The following FAM20A variants were observed in gnomAD, a reference collection of about 807,000 sequenced individuals.
FAM20A encodes the protein FAM20A golgi associated secretory pathway pseudokinase, also known as pseudokinase FAM20A.
A neutral mutation model predicts 52.0 loss-of-function variants in FAM20A; 42 were observed. That is an observed-to-expected ratio of 0.81 (90% CI 0.63 to 1.04). The LOEUF is 1.04. FAM20A is among the 50% of genes least tolerant of loss of function. The probability of loss-of-function intolerance (pLI) is 0.00; values close to 1 mark genes in which losing one functional copy is unlikely to be tolerated. For missense variants in FAM20A, 742 were observed against 712.7 expected, an observed-to-expected ratio of 1.04 and a Z score of -0.47; for synonymous variants, 304 against 298.9, an observed-to-expected ratio of 1.02 and a Z score of -0.18.
chr17:68,543,129 TG>T (rs1415419779), intron 5 of FAM20A, among the ~76,000 whole-genome samples: 3 of 152,292 alleles, frequency 2.0e-5, no homozygotes, highest in Non-Finnish European at 2.9e-5. Context: ...CTGGCAATCT[TG>T]TTCAAATACA....
chr17:68,539,237 T>G, intron 10 of FAM20A, 100 bp downstream of exon 10: 1 of 1,134,764 alleles, frequency 8.8e-7, no homozygotes, highest in South Asian at 1.3e-5. Context: ...ACTTACGTCC[T>G]GGACCAGTGA....
chr17:68,600,411 T>C lies in FAM20A; in HGVS notation c.256A>G (p.Ser86Gly). 1 of 1,609,242 alleles carries C rather than the reference T, an allele frequency of 6.2e-7. No individual in the cohort carries two copies. Among genetic ancestry groups the C allele is most frequent in the Non-Finnish European group, 8.5e-7 (1 of 1,178,610 alleles). Residue 86 changes from serine (S) to glycine (G), a missense_variant, in exon 1 of 11, where the codon AGC becomes GGC. Ser to Gly is a moderately conservative substitution (Grantham distance 56, BLOSUM62 0). Coordinates refer to ENST00000592554, the MANE Select transcript of FAM20A (RefSeq NM_017565.4). The surrounding 1 kb of genome is among the most constrained non-coding windows in gnomAD (Gnocchi z 6.2). Reference protein sequence around the residue: ...PRTEPAGGSHSGSSSKLQALF... With the variant: ...PRTEPAGGSHGGSSSKLQALF... ...GCCTGCAACTTGGAGCTCGACCCGCTGTGGCTGCCGCCAGCCGGTTCAGTC... is the reference window on the plus strand; with the variant it reads ...GCCTGCAACTTGGAGCTCGACCCGCCGTGGCTGCCGCCAGCCGGTTCAGTC...
At chr17:68,578,855 A>T (rs2087852616) in intron 1 of FAM20A, among the ~76,000 whole-genome samples, 1 of 20,716 alleles carries the variant, frequency 4.8e-5, no homozygotes, top group Non-Finnish European at 1.1e-4. Context: ...AAAAAAAAAA[A>T]AAAAAAAAAA....
intron 4 of FAM20A, among the ~76,000 whole-genome samples, chr17:68,549,286 G>T (rs1435864078): frequency 1.3e-5 from 2 of 152,154 alleles, no homozygotes; most frequent in Non-Finnish European, 2.9e-5. Context: ...CCTGAGGTCA[G>T]GAGTTCAAGA....
chr17:68,574,408 T>C (rs1352217120), intron 1 of FAM20A, among the ~76,000 whole-genome samples: 2 of 152,050 alleles, frequency 1.3e-5, no homozygotes, highest in Non-Finnish European at 2.9e-5. Context: ...TGAGACCCAC[T>C]CCCACGATAA....
chr17:68,542,921 G>A lies in FAM20A; in HGVS notation c.813-112C>T, dbSNP rs973086614. 7.5e-6 allele frequency: 6 copies of A among 798,272 alleles called. No individual in the cohort carries two copies. In the Admixed American group the frequency reaches 1.1e-4, roughly 15 times the overall value. The allele number at this position is 798,272 out of a possible 1,614,324, so 49.4% of individuals were successfully genotyped here. On this transcript the variant is annotated intron_variant, in intron 5 of 10. Transcript: ENST00000592554. ...AATTGGCTGGTGTACCCAGGAGGGT[G>A]GCCGGTGAGGCGTGACTCTGCACTG...
chr17:68,543,737 G>A lies in FAM20A; in HGVS notation c.720-16C>T, dbSNP rs2086418221. On this transcript the variant is annotated splice_polypyrimidine_tract_variant and intron_variant, in intron 4 of 10. Coordinates refer to ENST00000592554, the MANE Select transcript of FAM20A (RefSeq NM_017565.4). ...TCGCTGCTGTCTGGAAGGAAGGAAG[G>A]AATCACGCCCTGGACTCAGACTTCA... 2 of 1,604,654 alleles carry A rather than the reference G, an allele frequency of 1.2e-6. No homozygotes were observed. Among genetic ancestry groups the A allele is most frequent in the South Asian group, 1.1e-5 (1 of 90,840 alleles).
At position 68,551,122 on chromosome 17, in the gene FAM20A, T is replaced by C; in HGVS notation, c.719+751A>G. Reference sequence around the variant, plus strand: ...CTCAAGGAGGAGCATTCCCCTGGGCTAAGGCACTGGGGCCGAACTCTAGGA... The same window carrying C: ...CTCAAGGAGGAGCATTCCCCTGGGCCAAGGCACTGGGGCCGAACTCTAGGA... On this transcript the variant is annotated intron_variant, in intron 4 of 10. Transcript: ENST00000592554. The C allele has an allele frequency of 8.4e-7, 1 of 1,184,754 alleles. No homozygotes were observed. Among genetic ancestry groups the C allele is most frequent in the East Asian group, 3.3e-5 (1 of 30,258 alleles). The allele number at this position is 1,184,754 out of a possible 1,614,324, so 73.4% of individuals were successfully genotyped here.
intron 1 of FAM20A, among the ~76,000 whole-genome samples, chr17:68,573,429 CCTTTCT>C (rs2087620965): frequency 6.8e-6 from 1 of 147,422 alleles, no homozygotes; most frequent in Admixed American, 6.7e-5. Flanking sequence ...CCCTTTCTTT[CCTTTCT>C]CTTTCTTTCT....
In FAM20A at chr17:68,600,148, C is replaced by T; in HGVS notation, c.404+115G>A. 1 of 1,263,910 alleles carries T rather than the reference C, an allele frequency of 7.9e-7. No homozygotes were observed. The highest frequency in any genetic ancestry group is 1.1e-6 in the Non-Finnish European group (1 of 930,882). The allele number at this position is 1,263,910 out of a possible 1,614,324, so 78.3% of individuals were successfully genotyped here. A position where few individuals can be genotyped will look rare whatever the true frequency, so the allele number is the denominator to read the frequency against. On this transcript the variant is annotated intron_variant, in intron 1 of 10. Coordinates refer to ENST00000592554, the MANE Select transcript of FAM20A (RefSeq NM_017565.4). The surrounding 1 kb of genome is among the most constrained non-coding windows in gnomAD (Gnocchi z 6.2). Reference sequence around the variant, plus strand: ...TCTAAGCCCAGCGCCAGGGCTGGAGCCGTGGGTGGAGCCGCTGCAGCCCTG... The same window carrying T: ...TCTAAGCCCAGCGCCAGGGCTGGAGTCGTGGGTGGAGCCGCTGCAGCCCTG...
chr17:68,584,376 A>G (rs1179767487), intron 1 of FAM20A, among the ~76,000 whole-genome samples: 6 of 152,218 alleles, frequency 3.9e-5, no homozygotes, highest in South Asian at 2.1e-4. Flanking sequence ...CAAAAAGCTT[A>G]AGATCTAATG....
chr17:68,578,969 C>T (rs1193123658), intron 1 of FAM20A, among the ~76,000 whole-genome samples: 6 of 147,452 alleles, frequency 4.1e-5, no homozygotes, highest in Non-Finnish European at 5.9e-5. Flanking sequence ...GAGCAGAGAT[C>T]GCGCCACTGC....
chr17:68,537,861 C>T lies in FAM20A; in HGVS notation c.1362-120G>A, dbSNP rs2143443398. On this transcript the variant is annotated intron_variant, in intron 10 of 10. Transcript: ENST00000592554. The surrounding 1 kb of genome is among the most constrained non-coding windows in gnomAD (Gnocchi z 4.2). ...CTCTTGGCGCCTCTCCTTGTGTCTT[C>T]TCAGGCACATTTTAATGGAAACCAG... The T allele has an allele frequency of 3.6e-6, 4 of 1,126,690 alleles. No homozygotes were observed. The East Asian group carries it at 7.7e-5, about 22-fold the overall frequency. The allele number at this position is 1,126,690 out of a possible 1,614,324, so 69.8% of individuals were successfully genotyped here. A position where few individuals can be genotyped will look rare whatever the true frequency, so the allele number is the denominator to read the frequency against.
intron 1 of FAM20A, among the ~76,000 whole-genome samples, chr17:68,595,753 G>T (rs890749296): frequency 6.6e-6 from 1 of 152,324 alleles, no homozygotes. Context: ...CAGCCTGCGG[G>T]TTGAATTGCC....
chr17:68,541,033 C>G lies in FAM20A; in HGVS notation c.1110-75G>C, dbSNP rs920707333. The G allele has an allele frequency of 3.9e-6, 6 of 1,545,256 alleles. No individual in the cohort carries two copies. In the Admixed American group the frequency reaches 1.2e-4, roughly 30 times the overall value. On this transcript the variant is annotated intron_variant, in intron 7 of 10. Coordinates refer to ENST00000592554, the MANE Select transcript of FAM20A (RefSeq NM_017565.4). ...GTCGGGGGTCTCCCCACACCTCCCC[C>G]TGCCCCCCCAATCCCTGCCTCCCTG...
At chr17:68,550,808 C>T (rs2086801982) in intron 4 of FAM20A, among the ~76,000 whole-genome samples, 1 of 152,192 alleles carries the variant, frequency 6.6e-6, no homozygotes, top group Non-Finnish European at 1.5e-5. Context: ...TTAAAGCCTC[C>T]TTAAGTGAAT....
intron 1 of FAM20A, among the ~76,000 whole-genome samples, chr17:68,596,849 C>T (rs938887687): frequency 1.8e-4 from 27 of 152,124 alleles, no homozygotes; most frequent in African/African-American, 6.3e-4. Flanking sequence ...GATTGTGCCA[C>T]ACTTAGTTAC....
At chr17:68,548,669 T>G (rs1308887993) in intron 4 of FAM20A, among the ~76,000 whole-genome samples, 4 of 150,748 alleles carry the variant, frequency 2.7e-5, no homozygotes, top group Admixed American at 1.3e-4. Flanking sequence ...GTAAAAAACC[T>G]AGTATCTGCA....
chr17:68,597,572 A>G (rs1045588632), intron 1 of FAM20A, among the ~76,000 whole-genome samples: 1 of 152,128 alleles, frequency 6.6e-6, no homozygotes, highest in Non-Finnish European at 1.5e-5. Context: ...TTTAATAGAG[A>G]TGGGATTTCA....
Sources: allele counts gnomAD v4.1 joint callset (sites outside exome capture counted in the v4.1 genomes callset), GRCh38; gene constraint gnomAD v4.1.1; non-coding constraint Gnocchi (gnomAD v3.1); transcripts MANE v1.5; gene names NCBI Gene and HGNC (gene_info 2026-07-23, HGNC 2026-07-21).